Variants in SLC35G2 observed in about 807,000 individuals in gnomAD.
SLC35G2 encodes the protein solute carrier family 35 member G2.
A neutral mutation model predicts 27.2 loss-of-function variants in SLC35G2; 20 were observed. The observed-to-expected ratio is 0.74, with a 90% CI of 0.52 to 1.07. SLC35G2 has a LOEUF of 1.07. Ranked by LOEUF, SLC35G2 falls within the 50% of genes least tolerant of loss-of-function variation. The pLI, the probability that SLC35G2 is intolerant of heterozygous loss-of-function variation, is 0.00. For synonymous variants in SLC35G2, 148 were observed against 165.3 expected, an observed-to-expected ratio of 0.90 and a Z score of 0.80; for missense variants, 416 against 493.3, an observed-to-expected ratio of 0.84 and a Z score of 1.48.
Position 136,854,735 on chromosome 3 carries a change from G to A in SLC35G2, c.275G>A (p.Ser92Asn). The A allele has an allele frequency of 1.9e-6, 3 of 1,614,090 alleles. No homozygotes were observed. Among genetic ancestry groups the A allele is most frequent in the Non-Finnish European group, 2.5e-6 (3 of 1,180,002 alleles). The change falls in exon 2 of 2, where the codon AGC becomes AAC. Residue 92 changes from serine to asparagine, a missense_variant. Coordinates refer to ENST00000446465, the MANE Select transcript of SLC35G2 (RefSeq NM_025246.3). ...PMINEIGQFQSFAEKNIFQSR... is the reference protein window; with the variant it reads ...PMINEIGQFQNFAEKNIFQSR... ...ATCAATGAGATTGGACAATTCCAGA[G>A]CTTTGCAGAAAAAAACATTTTTCAA...
intron 1 of SLC35G2, among the ~76,000 whole-genome samples, chr3:136,845,244 T>A (rs535692147): frequency 3.3e-5 from 5 of 152,348 alleles, no homozygotes; most frequent in South Asian, 2.1e-4. Flanking sequence ...AATGAACATA[T>A]ATTGCTTTTG....
At position 136,838,246 on chromosome 3, in the gene SLC35G2, C is replaced by CATATATATATAT. The variant is rs6148084; in HGVS notation, c.-18-16171_-18-16160dup. 238 of 140,884 alleles carry CATATATATATAT rather than the reference C, an allele frequency of 1.7e-3. 1 individual carries two copies. The highest frequency in any genetic ancestry group is 6.1e-3 in the African/African-American group (227 of 37,232). The allele number at this position is 140,884 out of a possible 1,614,324, so 8.7% of individuals were successfully genotyped here. ...CTCTTCAATTTTGCAGTAGCATATA[C>CATATATATATAT]ATATATATATATATATATATATATA... On this transcript the variant is annotated intron_variant, in intron 1 of 1. Transcript: ENST00000446465.
chr3:136,830,467 T>C (rs1223083765), intron 1 of SLC35G2, among the ~76,000 whole-genome samples: 2 of 152,170 alleles, frequency 1.3e-5, no homozygotes, highest in Non-Finnish European at 2.9e-5. Flanking sequence ...GTATTTTTAA[T>C]AGAGACAGGG....
At chr3:136,829,702 ATT>A (rs59974322) in intron 1 of SLC35G2, among the ~76,000 whole-genome samples, 2,779 of 151,382 alleles carry the variant, frequency 0.018, 95 homozygotes, top group African/African-American at 0.063. Flanking sequence ...TCTAGGGTAA[ATT>A]TTTTTTTTCC....
At chr3:136,843,662 GT>G (rs1560016297) in intron 1 of SLC35G2, among the ~76,000 whole-genome samples, 1 of 151,632 alleles carries the variant, frequency 6.6e-6, no homozygotes, top group Non-Finnish European at 1.5e-5. Flanking sequence ...GCTGGGCGCA[GT>G]GGCTCAAGGC....
intron 1 of SLC35G2, among the ~76,000 whole-genome samples, chr3:136,822,525 A>G (rs1246939155): frequency 1.3e-5 from 2 of 151,970 alleles, no homozygotes; most frequent in African/African-American, 4.8e-5. Flanking sequence ...ACGTTTGCCA[A>G]GCTGGTCTCG....
rs765363533 is a variant in SLC35G2, at chr3:136,855,010, A to G, written c.550A>G (p.Thr184Ala). 57 of 1,614,090 alleles carry G rather than the reference A, an allele frequency of 3.5e-5. No individual in the cohort carries two copies. The highest frequency in any genetic ancestry group is 5.1e-6 in the Non-Finnish European group (6 of 1,180,048). The change falls in exon 2 of 2, where the codon ACA becomes GCA. Residue 184 changes from threonine (T) to alanine (A), a missense_variant. Thr to Ala is a moderately conservative substitution (Grantham distance 58). Coordinates refer to ENST00000446465, the MANE Select transcript of SLC35G2 (RefSeq NM_025246.3). ...CNVISITCAY[T>A]SFSIVPPSNG... ...TGTCATTTCTATCACTTGTGCTTATACATCATTTTCAATAGTTCCTCCCAG... is the reference window on the plus strand; with the variant it reads ...TGTCATTTCTATCACTTGTGCTTATGCATCATTTTCAATAGTTCCTCCCAG...
intron 1 of SLC35G2, among the ~76,000 whole-genome samples, chr3:136,836,904 T>C (rs9818397): frequency 0.69 from 104,260 of 152,064 alleles, 35,986 homozygotes; most frequent in East Asian, 0.87. Flanking sequence ...GATGGTGTCT[T>C]CTCTTTTAGT....
At chr3:136,848,100 AG>A (rs1464853477) in intron 1 of SLC35G2, among the ~76,000 whole-genome samples, 9 of 152,344 alleles carry the variant, frequency 5.9e-5, no homozygotes, top group African/African-American at 2.2e-4. Context: ...CAAGGGCATA[AG>A]CTGTTTGGAG....
At chr3:136,840,624 TTTTTC>T (rs766629650) in intron 1 of SLC35G2, among the ~76,000 whole-genome samples, 4 of 151,156 alleles carry the variant, frequency 2.6e-5, no homozygotes, top group Middle Eastern at 3.4e-3. Flanking sequence ...CTCCCTCTCT[TTTTTC>T]TTTTCTTTTC....
At chr3:136,845,516 T>C (rs927818060) in intron 1 of SLC35G2, among the ~76,000 whole-genome samples, 7 of 152,160 alleles carry the variant, frequency 4.6e-5, no homozygotes, top group South Asian at 2.1e-4. Flanking sequence ...CCCTTTAGAA[T>C]TGATTGAGAA....
intron 1 of SLC35G2, among the ~76,000 whole-genome samples, chr3:136,849,276 C>G (rs1457524933): frequency 3.3e-5 from 5 of 151,508 alleles, no homozygotes; most frequent in Non-Finnish European, 7.4e-5. Context: ...TATAATAGTA[C>G]CTAATTTTTA....
Position 136,854,876 on chromosome 3 carries a change from T to C in SLC35G2, c.416T>C (p.Ile139Thr). Residue 139 changes from isoleucine to threonine, a missense_variant, in exon 2 of 2, where the codon ATC (isoleucine) becomes ACC (threonine). Physicochemically the swap from Ile to Thr is moderately conservative, Grantham distance 89. Coordinates refer to ENST00000446465, the MANE Select transcript of SLC35G2 (RefSeq NM_025246.3). ...GTTCCATCTCTAGAACTGATTTTTATCCGTTCTGTTTTTCAGGTCTTATCT... is the reference window on the plus strand; with the variant it reads ...GTTCCATCTCTAGAACTGATTTTTACCCGTTCTGTTTTTCAGGTCTTATCT... ...SKVPSLELIF[I>T]RSVFQVLSVL... 1 of 1,614,244 alleles carries C rather than the reference T, an allele frequency of 6.2e-7. No homozygotes were observed. The highest frequency in any genetic ancestry group is 8.5e-7 in the Non-Finnish European group (1 of 1,180,036).
chr3:136,827,679 A>T (rs190104228), intron 1 of SLC35G2, among the ~76,000 whole-genome samples: 6 of 152,150 alleles, frequency 3.9e-5, no homozygotes, highest in Admixed American at 3.3e-4. Context: ...TTGTTTCATG[A>T]AATTTCTCAA....
In SLC35G2 at chr3:136,855,811, T is replaced by C. The variant is rs1276999601; in HGVS notation, c.*112T>C. The C allele has an allele frequency of 1.3e-6, 1 of 772,524 alleles. No homozygotes were observed. The highest frequency in any genetic ancestry group is 2.1e-6 in the Non-Finnish European group (1 of 479,192). The allele number at this position is 772,524 out of a possible 1,614,324, so 47.9% of individuals were successfully genotyped here. A position where few individuals can be genotyped will look rare whatever the true frequency, so the allele number is the denominator to read the frequency against. ...ATAACTGACAGAGTGCTATAAAATA[T>C]ATAATATATACAAATGCAGAAAATT... On this transcript the variant is annotated 3_prime_UTR_variant, in exon 2 of 2. Coordinates refer to ENST00000446465, the MANE Select transcript of SLC35G2 (RefSeq NM_025246.3).
chr3:136,844,588 C>T (rs1332524924), intron 1 of SLC35G2, among the ~76,000 whole-genome samples: 1 of 151,406 alleles, frequency 6.6e-6, no homozygotes, highest in African/African-American at 2.4e-5. Flanking sequence ...TGCATGAGGC[C>T]GTGAGTTTGA....
At chr3:136,821,124 AT>A (rs1936447282) in intron 1 of SLC35G2, among the ~76,000 whole-genome samples, 1 of 152,170 alleles carries the variant, frequency 6.6e-6, no homozygotes, top group Non-Finnish European at 1.5e-5. Flanking sequence ...TCCTTAAAAA[AT>A]ATATGCTCAT....
chr3:136,837,283 T>TA (rs1337937272), intron 1 of SLC35G2: 2 of 152,216 alleles, frequency 1.3e-5, no homozygotes, highest in African/African-American at 4.8e-5. Context: ...GTGGTCTGTT[T>TA]ATGTACAGTT....
At position 136,846,929 on chromosome 3, in the gene SLC35G2, C is replaced by T. The variant is rs188045104; in HGVS notation, c.-18-7514C>T. Reference sequence around the variant, plus strand: ...TCACACCTGTAATCCCAGTACTTTGCGCTAAGGCGAGTGAATCACCTGAGG... The same window carrying T: ...TCACACCTGTAATCCCAGTACTTTGTGCTAAGGCGAGTGAATCACCTGAGG... On this transcript the variant is annotated intron_variant, in intron 1 of 1. Transcript: ENST00000446465. 7.7e-3 allele frequency among the ~76,000 whole-genome samples: 1,175 copies of T among 152,194 alleles called. 21 individuals are homozygous for T. The highest frequency in any genetic ancestry group is 0.043 in the Admixed American group (658 of 15,286).
Sources: allele counts gnomAD v4.1 joint callset (sites outside exome capture counted in the v4.1 genomes callset), GRCh38; gene constraint gnomAD v4.1.1; transcripts MANE v1.5; gene names NCBI Gene and HGNC (gene_info 2026-07-23, HGNC 2026-07-21).